CDK13: variants seen among roughly 807,000 people sequenced by gnomAD.
CDK13 encodes the protein cyclin-dependent kinase 13.
Under a neutral mutation model 137.6 loss-of-function variants are expected in CDK13, and 40 were observed. That is an observed-to-expected ratio of 0.29 (90% CI 0.23 to 0.38). The LOEUF (loss-of-function observed/expected upper bound fraction) is 0.38, where lower values mean the gene tolerates loss of function less well. CDK13 is among the 10% of genes least tolerant of loss of function. The probability of loss-of-function intolerance (pLI) is 1.00; values close to 1 mark genes in which losing one functional copy is unlikely to be tolerated. For synonymous variants in CDK13, 869 were observed against 760.1 expected, an observed-to-expected ratio of 1.14 and a Z score of -2.36; for missense variants, 1,704 against 1,951.8, an observed-to-expected ratio of 0.87 and a Z score of 2.39.
chr7:40,003,200 A>C (rs868100804), intron 5 of CDK13, among the ~76,000 whole-genome samples: 1 of 86,366 alleles, frequency 1.2e-5, no homozygotes, highest in Non-Finnish European at 2.4e-5. Context: ...ACACACACAC[A>C]CACACACTCT....
rs1430680739 is a variant in CDK13 at position 39,951,013 on chromosome 7, C to T, written c.372C>T (p.Pro124=). The stretch of plus-strand genomic sequence containing the variant: ...AGAAGCGTCGGGTCTTCTCGCTGCC[C>T]CAGCCGCAGCAGGACGGCGGTGGCG... ...EAEKRRVFSL[P]QPQQDGGGGA... Residue 124 remains proline, a synonymous_variant, in exon 1 of 14, where the codon CCC becomes CCT. Transcript: ENST00000181839. 3 of 1,302,544 alleles carry T rather than the reference C, an allele frequency of 2.3e-6. No homozygotes were observed. Among genetic ancestry groups the T allele is most frequent in the Non-Finnish European group, 1.9e-6 (2 of 1,028,764 alleles). 80.7% of individuals were successfully genotyped at this position (1,302,544 alleles called of 1,614,324 possible). A position where few individuals can be genotyped will look rare whatever the true frequency, so the allele number is the denominator to read the frequency against.
At position 40,094,305 on chromosome 7, in the gene CDK13, T is replaced by A. The variant is rs1786995294; in HGVS notation, c.3864T>A (p.Ser1288Arg). The A allele has an allele frequency of 1.2e-6, 2 of 1,612,998 alleles. No individual in the cohort carries two copies. The highest frequency in any genetic ancestry group is 2.2e-5 in the South Asian group (2 of 90,960). ...RTENQHVPTT[S>R]SSLTDPHAGV... Reference sequence around the variant, plus strand: ...AAAACCAGCATGTACCCACCACCAGTTCTTCATTAACTGACCCTCATGCCG... The same window carrying A: ...AAAACCAGCATGTACCCACCACCAGATCTTCATTAACTGACCCTCATGCCG... The change falls in exon 14 of 14, where the codon AGT becomes AGA. Residue 1288 changes from serine to arginine, a missense_variant. Ser to Arg is a moderately radical substitution (Grantham distance 110). This residue lies in a region of CDK13 where 475 missense variants were observed against 579.3 expected (regional missense o/e 0.82). Transcript: ENST00000181839.
intron 5 of CDK13, among the ~76,000 whole-genome samples, chr7:40,025,643 T>C (rs1369161184): frequency 6.6e-6 from 1 of 152,218 alleles, no homozygotes; most frequent in African/African-American, 2.4e-5. Context: ...ATAATCTTAT[T>C]GAAGAATTTT....
intron 5 of CDK13, among the ~76,000 whole-genome samples, chr7:40,026,676 G>A (rs187680509): frequency 9.2e-5 from 14 of 152,280 alleles, no homozygotes; most frequent in African/African-American, 3.4e-4. Context: ...GCCAAAACAT[G>A]CTGTTGGAAA....
intron 1 of CDK13, among the ~76,000 whole-genome samples, chr7:39,966,933 G>A (rs1450176051): frequency 6.6e-6 from 1 of 152,136 alleles, no homozygotes; most frequent in Non-Finnish European, 1.5e-5. Flanking sequence ...AGCGGATATT[G>A]TTGAACAGTA....
chr7:40,096,734 A>G lies in CDK13; in HGVS notation c.*1754A>G, dbSNP rs191433030. On this transcript the variant is annotated 3_prime_UTR_variant, in exon 14 of 14. Coordinates refer to ENST00000181839, the MANE Select transcript of CDK13 (RefSeq NM_003718.5). ...AGTTTGATAAGAGTAAAATTATTTT[A>G]AAGAGGATAATTTACCATTTTACTA... 2.6e-5 allele frequency: 4 copies of G among 152,288 alleles called. No individual in the cohort carries two copies. Among genetic ancestry groups the G allele is most frequent in the Admixed American group, 2.0e-4 (3 of 15,300 alleles). The allele number at this position is 152,288 out of a possible 1,614,324, so 9.4% of individuals were successfully genotyped here. A position where few individuals can be genotyped will look rare whatever the true frequency, so the allele number is the denominator to read the frequency against.
At chr7:39,956,833 C>T (rs978216006) in intron 1 of CDK13, among the ~76,000 whole-genome samples, 6 of 152,130 alleles carry the variant, frequency 3.9e-5, no homozygotes, top group Admixed American at 6.5e-5. Flanking sequence ...ACAATCCTCC[C>T]GCCTGGGCCT....
intron 5 of CDK13, among the ~76,000 whole-genome samples, chr7:40,004,340 T>G (rs1784754383): frequency 6.6e-6 from 1 of 152,186 alleles, no homozygotes; most frequent in South Asian, 2.1e-4. Context: ...ATTTGCACCC[T>G]TCATCATCTT....
At chr7:40,035,002 T>G (rs1187203553) in intron 5 of CDK13, among the ~76,000 whole-genome samples, 1 of 152,184 alleles carries the variant, frequency 6.6e-6, no homozygotes, top group Non-Finnish European at 1.5e-5. Context: ...TTCTTAAAAT[T>G]ATACTTCTAG....
At chr7:39,988,695 C>T (rs1050437261) in intron 2 of CDK13, among the ~76,000 whole-genome samples, 3 of 152,090 alleles carry the variant, frequency 2.0e-5, no homozygotes, top group African/African-American at 4.8e-5. Context: ...TTTGTTATCA[C>T]TTTTTAGTTT....
Position 40,093,040 on chromosome 7 carries a change from A to G in CDK13, c.3491A>G (p.Gln1164Arg). Residue 1164 changes from glutamine to arginine, a missense_variant, in exon 13 of 14, where the codon CAG (glutamine) becomes CGG (arginine). Physicochemically the swap from Gln to Arg is conservative, Grantham distance 43. Transcript: ENST00000181839. ...KPLGGIQPSSQTIQPKVETDA... is the reference protein window; with the variant it reads ...KPLGGIQPSSRTIQPKVETDA... ...TTGGGAGGAATTCAGCCTTCTTCTC[A>G]GACCATCCAGCCTAAAGTGGAGACT... 1.2e-6 allele frequency: 2 copies of G among 1,614,220 alleles called. No homozygotes were observed. Among genetic ancestry groups the G allele is most frequent in the South Asian group, 2.2e-5 (2 of 91,086 alleles).
At chr7:39,992,200 G>GTA (rs1554325753) in intron 2 of CDK13, among the ~76,000 whole-genome samples, 22 of 138,372 alleles carry the variant, frequency 1.6e-4, no homozygotes, top group African/African-American at 5.9e-4. Context: ...GTGTGTGTGT[G>GTA]TATACACTTC....
At chr7:40,031,435 T>C (rs573076635) in intron 5 of CDK13, among the ~76,000 whole-genome samples, 1 of 152,012 alleles carries the variant, frequency 6.6e-6, no homozygotes, top group Non-Finnish European at 1.5e-5. Flanking sequence ...GGCAGGAGAT[T>C]TGCTTCAACC....
rs143241607 is a variant in CDK13, at chr7:39,954,453, T to A, written c.1211+2601T>A. 2.3e-3 allele frequency among the ~76,000 whole-genome samples: 357 copies of A among 152,354 alleles called. 1 individual carries two copies. The highest frequency in any genetic ancestry group is 4.4e-3 in the Non-Finnish European group (297 of 68,038). On this transcript the variant is annotated intron_variant, in intron 1 of 13. Transcript: ENST00000181839. ...AATGAATGGACTGCTGTGAGTTCCA[T>A]GAAGGCAACTGGGCTGTCTTATCCA... is the stretch of plus-strand genomic sequence containing the variant.
chr7:40,002,162 A>G, intron 5 of CDK13, 131 bp downstream of exon 5: 1 of 587,618 alleles, frequency 1.7e-6, no homozygotes, highest in Non-Finnish European at 2.9e-6. Flanking sequence ...CTATATTTTT[A>G]AGTTTGGTAG....
At position 39,996,969 on chromosome 7, in the gene CDK13, AAAAAAAAG is replaced by A. The variant is rs1374994541; in HGVS notation, c.1872-517_1872-510del. ...ACAGTGAGATTCCATCTCAAAAAAA[AAAAAAAAG>A]AAAAAAAAAAAGAAAAATGCTTTGC... On this transcript the variant is annotated intron_variant, in intron 2 of 13. Transcript: ENST00000181839. Among the ~76,000 whole-genome samples the A allele has an allele frequency of 4.5e-4, 67 of 149,746 alleles. 1 individual carries two copies. Among genetic ancestry groups the A allele is most frequent in the Middle Eastern group, 3.4e-3 (1 of 292 alleles).
At chr7:39,995,489 T>A (rs1784541322) in intron 2 of CDK13, among the ~76,000 whole-genome samples, 1 of 152,230 alleles carries the variant, frequency 6.6e-6, no homozygotes, top group Non-Finnish European at 1.5e-5. Context: ...AGCCACCCTT[T>A]AGCTACTTCA....
chr7:40,002,621 T>C (rs949015015), intron 5 of CDK13, among the ~76,000 whole-genome samples: 2 of 152,182 alleles, frequency 1.3e-5, no homozygotes, highest in Admixed American at 6.5e-5. Flanking sequence ...ATTTTAGATT[T>C]AAATCTTCAT....
chr7:40,010,565 T>C (rs534617740), intron 5 of CDK13, among the ~76,000 whole-genome samples: 54 of 152,268 alleles, frequency 3.5e-4, no homozygotes, highest in African/African-American at 1.3e-3. Context: ...GCACCTGTAA[T>C]CCCAGCTACT....
Sources: allele counts gnomAD v4.1 joint callset (sites outside exome capture counted in the v4.1 genomes callset), GRCh38; gene constraint gnomAD v4.1.1; regional missense constraint gnomAD v4.1.1; transcripts MANE v1.5; gene names NCBI Gene and HGNC (gene_info 2026-07-23, HGNC 2026-07-21).